FGF14: variants seen among roughly 807,000 people sequenced by gnomAD.
The protein encoded by FGF14 is fibroblast growth factor homologous factor 4.
In FGF14, 5 loss-of-function variants were observed where a neutral mutation model predicts 25.5. The ratio of observed to expected loss-of-function variants is 0.20; its 90% CI spans 0.10 to 0.41. FGF14 has a LOEUF of 0.41. Among genes scored for constraint, FGF14 ranks in the 10% least tolerant of loss-of-function variants. The pLI is 1.00. For synonymous variants in FGF14, 138 were observed against 118.3 expected (o/e 1.17, Z -1.08); for missense variants, 222 against 320.1 (o/e 0.69, Z 2.34).
At chr13:102,271,411 T>C (rs1469269006) in intron 1 of FGF14, among the ~76,000 whole-genome samples, 1 of 152,182 alleles carries the variant, frequency 6.6e-6, no homozygotes, top group East Asian at 1.9e-4. Context: ...CATGAACATT[T>C]ATAACTCTGA....
rs113144169 is a variant in FGF14 at position 102,233,283 on chromosome 13, C to T, written c.208+168188G>A. On this transcript the variant is annotated intron_variant, in intron 1 of 4. Transcript: ENST00000376131. ...CCAAGTAGCTGGGATTATAGGCGCC[C>T]ACCACACCCGGCTAATTTTTGTATT... 3.5e-3 allele frequency among the ~76,000 whole-genome samples: 538 copies of T among 152,100 alleles called. 3 individuals carry two copies. The highest frequency in any genetic ancestry group is 0.012 in the African/African-American group (508 of 41,496).
At chr13:102,013,594 T>C (rs2040191615) in intron 1 of FGF14, among the ~76,000 whole-genome samples, 1 of 152,200 alleles carries the variant, frequency 6.6e-6, no homozygotes, top group Admixed American at 6.5e-5. Context: ...TGTGCAATTC[T>C]TGAATAACAG....
intron 1 of FGF14, among the ~76,000 whole-genome samples, chr13:102,060,455 G>T (rs551744695): frequency 6.6e-6 from 1 of 152,178 alleles, no homozygotes; most frequent in South Asian, 2.1e-4. Context: ...GAACCCGGGG[G>T]GCAGAGCTTG....
At chr13:101,902,004 T>C (rs995189090) in intron 1 of FGF14, among the ~76,000 whole-genome samples, 30 of 152,208 alleles carry the variant, frequency 2.0e-4, no homozygotes, top group African/African-American at 7.2e-4. Flanking sequence ...AAAGTTTTTG[T>C]GAAGTTCAAT....
intron 1 of FGF14, among the ~76,000 whole-genome samples, chr13:102,025,143 CTTT>C (rs1446530355): frequency 6.6e-6 from 1 of 151,588 alleles, no homozygotes; most frequent in Non-Finnish European, 1.5e-5. Context: ...TAACTTCATT[CTTT>C]TTCAAGACTG....
intron 3 of FGF14, among the ~76,000 whole-genome samples, chr13:101,801,145 A>C (rs2040845164): frequency 6.6e-6 from 1 of 152,158 alleles, no homozygotes; most frequent in Non-Finnish European, 1.5e-5. Flanking sequence ...ATGCTAAATG[A>C]ATAATTCTTT....
At chr13:102,074,486 G>A (rs576529759) in intron 1 of FGF14, among the ~76,000 whole-genome samples, 1 of 152,106 alleles carries the variant, frequency 6.6e-6, no homozygotes, top group African/African-American at 2.4e-5. Context: ...TAATGTGGCA[G>A]GTGTCATGTT....
chr13:102,004,289 G>A (rs959206439), intron 1 of FGF14, among the ~76,000 whole-genome samples: 2 of 152,178 alleles, frequency 1.3e-5, no homozygotes, highest in Non-Finnish European at 2.9e-5. Context: ...CATTTGAGGA[G>A]AGAAAAGAGA....
chr13:102,172,932 G>GAGATTC (rs1417255963), intron 1 of FGF14, among the ~76,000 whole-genome samples: 1 of 152,122 alleles, frequency 6.6e-6, no homozygotes, highest in African/African-American at 2.4e-5. Flanking sequence ...CAAATTAAGT[G>GAGATTC]AGATTCTATA....
intron 1 of FGF14, among the ~76,000 whole-genome samples, chr13:101,979,684 T>A (rs1459122906): frequency 6.6e-6 from 1 of 152,124 alleles, no homozygotes; most frequent in African/African-American, 2.4e-5. Flanking sequence ...TAAAGACAAA[T>A]ACTAAATAGG....
At chr13:102,261,795 T>C (rs2052728528) in intron 1 of FGF14, among the ~76,000 whole-genome samples, 1 of 152,150 alleles carries the variant, frequency 6.6e-6, no homozygotes, top group South Asian at 2.1e-4. Flanking sequence ...AAGAAGAAAA[T>C]ATTACCCTAA....
At chr13:101,873,321 T>C (rs1468927009) in intron 2 of FGF14, among the ~76,000 whole-genome samples, 1 of 152,110 alleles carries the variant, frequency 6.6e-6, no homozygotes, top group Admixed American at 6.5e-5. Flanking sequence ...AAAAAACACA[T>C]AAAACCTTTG....
intron 1 of FGF14, among the ~76,000 whole-genome samples, chr13:102,229,390 T>A (rs757038921): frequency 1.3e-5 from 2 of 152,198 alleles, no homozygotes; most frequent in African/African-American, 2.4e-5. Flanking sequence ...ACGACTATTA[T>A]CACCGTTTCA....
At chr13:101,830,679 AC>A (rs1366939673) in intron 3 of FGF14, among the ~76,000 whole-genome samples, 1 of 151,818 alleles carries the variant, frequency 6.6e-6, no homozygotes, top group Admixed American at 6.6e-5. Context: ...TCCTATATTA[AC>A]TCCTGTTAGC....
At chr13:102,311,695 C>T (rs1400428295) in intron 1 of FGF14, among the ~76,000 whole-genome samples, 1 of 152,130 alleles carries the variant, frequency 6.6e-6, no homozygotes, top group East Asian at 1.9e-4. Context: ...ATATTTGAAA[C>T]GAACAAAGAA....
chr13:102,216,338 A>C (rs1019466939), intron 1 of FGF14, among the ~76,000 whole-genome samples: 1 of 152,176 alleles, frequency 6.6e-6, no homozygotes, highest in Non-Finnish European at 1.5e-5. Context: ...AACTCTCCCC[A>C]AACTCCATTT....
chr13:102,000,330 CAAAAAA>C (rs371125979), intron 1 of FGF14, among the ~76,000 whole-genome samples: 2 of 151,502 alleles, frequency 1.3e-5, no homozygotes, highest in Non-Finnish European at 2.9e-5. Context: ...AAAACAAAAA[CAAAAAA>C]AATCTCATGT....
chr13:102,051,902 A>G (rs901954292), intron 1 of FGF14, among the ~76,000 whole-genome samples: 1 of 152,234 alleles, frequency 6.6e-6, no homozygotes, highest in Non-Finnish European at 1.5e-5. Context: ...ATAATCTCTT[A>G]GTAGCTGACA....
At chr13:102,112,526 T>C (rs920350509) in intron 1 of FGF14, among the ~76,000 whole-genome samples, 11 of 152,198 alleles carry the variant, frequency 7.2e-5, no homozygotes, top group African/African-American at 2.2e-4. Context: ...TCAAAACCCA[T>C]GTTTTGAATT....
Sources: gnomAD v4.1 joint callset for allele counts (sites outside exome capture counted in the v4.1 genomes callset) on GRCh38, gnomAD v4.1.1 for gene constraint, MANE v1.5 for transcripts, NCBI Gene and HGNC (gene_info 2026-07-23, HGNC 2026-07-21) for gene names.